The following ADARB1 variants were observed in gnomAD, a reference collection of about 807,000 sequenced individuals.
The protein encoded by ADARB1 is adenosine deaminase RNA specific B1.
In ADARB1, 10 loss-of-function variants were observed where a neutral mutation model predicts 52.4. That is an observed-to-expected ratio of 0.19 (90% CI 0.12 to 0.32). The LOEUF (loss-of-function observed/expected upper bound fraction) is 0.32. Among genes scored for constraint, ADARB1 ranks in the 10% least tolerant of loss-of-function variants. ADARB1 has a pLI of 1.00. For missense variants in ADARB1, 643 were observed against 922.3 expected (o/e 0.70, Z 3.92); for synonymous variants, 349 against 371.1 (o/e 0.94, Z 0.68).
intron 1 of ADARB1, among the ~76,000 whole-genome samples, chr21:45,088,286 G>A (rs1315913692): frequency 6.6e-6 from 1 of 152,246 alleles, no homozygotes; most frequent in Non-Finnish European, 1.5e-5. Context: ...GCTCCTTGCA[G>A]AAGATGAGTC....
chr21:45,158,728 C>T (rs2090802902), intron 2 of ADARB1, among the ~76,000 whole-genome samples: 1 of 152,158 alleles, frequency 6.6e-6, no homozygotes, highest in Non-Finnish European at 1.5e-5. Flanking sequence ...ATTTATTCTG[C>T]CTGTATTTGG....
chr21:45,131,050 A>G (rs1189294753), intron 2 of ADARB1, among the ~76,000 whole-genome samples: 1 of 152,232 alleles, frequency 6.6e-6, no homozygotes, highest in East Asian at 1.9e-4. Flanking sequence ...TTATTTTAAA[A>G]TGAAGTTCAC....
At chr21:45,211,037 T>C (rs2092758887) in intron 9 of ADARB1, among the ~76,000 whole-genome samples, 2 of 152,234 alleles carry the variant, frequency 1.3e-5, no homozygotes, top group Non-Finnish European at 1.5e-5. Context: ...CCAGAGGTCC[T>C]CTGTGTAAAG....
chr21:45,114,902 A>C (rs917649886), intron 1 of ADARB1, among the ~76,000 whole-genome samples: 2 of 152,246 alleles, frequency 1.3e-5, no homozygotes, highest in Admixed American at 1.3e-4. Context: ...CAAGCAGGCA[A>C]ACTGCCAACT....
chr21:45,134,524 T>C (rs1601516943), intron 2 of ADARB1, among the ~76,000 whole-genome samples: 1 of 152,072 alleles, frequency 6.6e-6, no homozygotes, highest in African/African-American at 2.4e-5. Flanking sequence ...CGTGTGTGTG[T>C]GTCTGACATG....
rs566169942 is a variant in ADARB1, at chr21:45,147,385, C to T, written c.-48+18812C>T. ...TTCTAATCCTGTGGGTTGCTTTTGA[C>T]GTCCTCTGTTGGGGATACACTGTGC... On this transcript the variant is annotated intron_variant, in intron 2 of 10. Coordinates refer to ENST00000348831, the MANE Select transcript of ADARB1 (RefSeq NM_001112.4). Among the ~76,000 whole-genome samples the T allele has an allele frequency of 3.1e-4, 47 of 152,266 alleles. No individual in the cohort carries two copies. The South Asian group carries it at 6.4e-3, about 21-fold the overall frequency.
chr21:45,217,849 G>A (rs1039507520), intron 9 of ADARB1, among the ~76,000 whole-genome samples: 3 of 152,190 alleles, frequency 2.0e-5, no homozygotes, highest in African/African-American at 4.8e-5. Context: ...TGGAATGGCA[G>A]GGTCCTTTTT....
intron 1 of ADARB1, among the ~76,000 whole-genome samples, chr21:45,115,453 T>TC (rs1195714497): frequency 6.6e-6 from 1 of 152,224 alleles, no homozygotes; most frequent in Non-Finnish European, 1.5e-5. Context: ...ACTCAACTTG[T>TC]CCCTGACAGA....
At chr21:45,173,269 AG>A (rs1242019666) in intron 3 of ADARB1, among the ~76,000 whole-genome samples, 2 of 152,220 alleles carry the variant, frequency 1.3e-5, no homozygotes, top group African/African-American at 2.4e-5. Flanking sequence ...AGCAATGCAA[AG>A]CCCTGTCATG....
chr21:45,089,270 GA>G (rs2086469088), intron 1 of ADARB1, among the ~76,000 whole-genome samples: 1 of 152,168 alleles, frequency 6.6e-6, no homozygotes, highest in Non-Finnish European at 1.5e-5. Context: ...GGACATAGGG[GA>G]ATTATCTGTA....
At chr21:45,133,105 C>T (rs1224664371) in intron 2 of ADARB1, among the ~76,000 whole-genome samples, 1 of 152,234 alleles carries the variant, frequency 6.6e-6, no homozygotes, top group East Asian at 1.9e-4. Context: ...CTGGTGGAAT[C>T]GGACAGTTGT....
At chr21:45,212,004 G>A (rs2092778649) in intron 9 of ADARB1, among the ~76,000 whole-genome samples, 1 of 151,974 alleles carries the variant, frequency 6.6e-6, no homozygotes, top group Non-Finnish European at 1.5e-5. Context: ...TTTCAAGATG[G>A]GACTTGATTT....
Position 45,210,315 on chromosome 21 carries a change from C to T in ADARB1, c.1747+5579C>T, listed in dbSNP as rs78357105. On this transcript the variant is annotated intron_variant, in intron 9 of 10. Coordinates refer to ENST00000348831, the MANE Select transcript of ADARB1 (RefSeq NM_001112.4). Reference sequence around the variant, plus strand: ...TGGAATTGGATGGACACTGTTGTTACGGACACGGTGATAGGGGATCTGGCT... The same window carrying T: ...TGGAATTGGATGGACACTGTTGTTATGGACACGGTGATAGGGGATCTGGCT... Among the ~76,000 whole-genome samples the T allele has an allele frequency of 8.5e-5, 13 of 152,288 alleles. No individual in the cohort carries two copies. The East Asian group carries it at 9.7e-4, about 11-fold the overall frequency.
At position 45,142,260 on chromosome 21, in the gene ADARB1, G is replaced by A. The variant is rs1005112893; in HGVS notation, c.-48+13687G>A. ...TTTTTGTTTTTCAAATCGAACACCC[G>A]CTATACTCATTTGAGAAGTGTAGAC... is the stretch of plus-strand genomic sequence containing the variant. On this transcript the variant is annotated intron_variant, in intron 2 of 10. Transcript: ENST00000348831. This position sits in a 1 kb window ranked among gnomAD's most constrained non-coding sequence, Gnocchi z 4.0. 7.2e-5 allele frequency among the ~76,000 whole-genome samples: 11 copies of A among 152,248 alleles called. No homozygotes were observed. The highest frequency in any genetic ancestry group is 1.4e-4 in the African/African-American group (6 of 41,528).
rs2092101692 is a variant in ADARB1, at chr21:45,186,258, C to T, written c.1565+1167C>T. Among the ~76,000 whole-genome samples, 2 of 152,184 alleles carry T rather than the reference C, an allele frequency of 1.3e-5. 1 individual carries two copies. The highest frequency in any genetic ancestry group is 4.1e-4 in the South Asian group (2 of 4,826). On this transcript the variant is annotated intron_variant, in intron 8 of 10. Transcript: ENST00000348831. ...TATTTTTGGAGCTATTTCTGTTGCT[C>T]TAACCAACAGCCAGTTCACTACTGA... is the stretch of plus-strand genomic sequence containing the variant.
At chr21:45,163,958 G>C (rs940492456) in intron 2 of ADARB1, among the ~76,000 whole-genome samples, 1 of 152,204 alleles carries the variant, frequency 6.6e-6, no homozygotes, top group Admixed American at 6.5e-5. Context: ...CTTGGGCTGT[G>C]TGCTTTTTTT....
chr21:45,148,768 G>T (rs949398439), intron 2 of ADARB1, among the ~76,000 whole-genome samples: 6 of 152,210 alleles, frequency 3.9e-5, no homozygotes, highest in African/African-American at 1.4e-4. Flanking sequence ...TGGGAGCGTT[G>T]TTTCTCTACT....
chr21:45,117,736 A>T (rs1315831399), intron 1 of ADARB1, among the ~76,000 whole-genome samples: 3 of 152,240 alleles, frequency 2.0e-5, no homozygotes, highest in Non-Finnish European at 4.4e-5. Context: ...TAACTATTTT[A>T]AAAAATGGAA....
At chr21:45,206,933 G>A (rs972616893) in intron 9 of ADARB1, among the ~76,000 whole-genome samples, 4 of 152,136 alleles carry the variant, frequency 2.6e-5, no homozygotes, top group African/African-American at 7.2e-5. Flanking sequence ...CCTGGTCCCC[G>A]CTGCAGGGGG....
Sources: allele counts gnomAD v4.1 joint callset (sites outside exome capture counted in the v4.1 genomes callset), GRCh38; gene constraint gnomAD v4.1.1; non-coding constraint Gnocchi (gnomAD v3.1); transcripts MANE v1.5; gene names NCBI Gene and HGNC (gene_info 2026-07-23, HGNC 2026-07-21).